IQSEC1: variants seen among roughly 807,000 people sequenced by gnomAD.
IQSEC1 encodes the protein IQ motif and Sec7 domain ArfGEF 1, also known as IQ motif and SEC7 domain-containing protein 1.
A neutral mutation model predicts 91.0 loss-of-function variants in IQSEC1; 31 were observed. The ratio of observed to expected loss-of-function variants is 0.34; its 90% CI spans 0.26 to 0.46. The LOEUF (loss-of-function observed/expected upper bound fraction) is 0.46. IQSEC1 is among the 20% of genes least tolerant of loss of function. The probability of loss-of-function intolerance (pLI) is 1.00; values close to 1 mark genes in which losing one functional copy is unlikely to be tolerated. For synonymous variants in IQSEC1, 699 were observed against 662.6 expected, an observed-to-expected ratio of 1.05 and a Z score of -0.84; for missense variants, 1,388 against 1,575.6, an observed-to-expected ratio of 0.88 and a Z score of 2.02.
At chr3:13,265,125 G>A (rs1256151868) in intron 1 of IQSEC1, among the ~76,000 whole-genome samples, 1 of 152,184 alleles carries the variant, frequency 6.6e-6, no homozygotes, top group Non-Finnish European at 1.5e-5. Flanking sequence ...CCCTCAACCT[G>A]TCCAAGTGAA....
At chr3:13,118,577 G>T (rs1447119380) in intron 2 of IQSEC1, among the ~76,000 whole-genome samples, 1 of 152,200 alleles carries the variant, frequency 6.6e-6, no homozygotes, top group Non-Finnish European at 1.5e-5. Flanking sequence ...AATACTGAAT[G>T]ATTTCATTTA....
intron 1 of IQSEC1, among the ~76,000 whole-genome samples, chr3:13,019,888 G>A (rs923419021): frequency 6.6e-5 from 10 of 152,216 alleles, no homozygotes; most frequent in Non-Finnish European, 8.8e-5. Flanking sequence ...CCACAGCCCC[G>A]TCAGGTGGCC....
At chr3:13,132,159 T>C (rs111646656) in intron 2 of IQSEC1, among the ~76,000 whole-genome samples, 6 of 152,366 alleles carry the variant, frequency 3.9e-5, no homozygotes, top group African/African-American at 7.2e-5. Flanking sequence ...TGCAGTGAAA[T>C]TGCATGGAAA....
intron 1 of IQSEC1, among the ~76,000 whole-genome samples, chr3:12,948,525 G>A (rs540334846): frequency 2.0e-5 from 3 of 152,218 alleles, no homozygotes; most frequent in African/African-American, 4.8e-5. Context: ...TGGATGCCAC[G>A]TCCCGACTCG....
intron 2 of IQSEC1, among the ~76,000 whole-genome samples, chr3:12,937,185 G>A (rs1214192379): frequency 6.6e-6 from 1 of 152,044 alleles, no homozygotes; most frequent in Non-Finnish European, 1.5e-5. Context: ...CACCCGCCTC[G>A]CCCTCCCAAA....
intron 1 of IQSEC1, among the ~76,000 whole-genome samples, chr3:13,253,010 G>A (rs1024031972): frequency 1.3e-5 from 2 of 152,192 alleles, no homozygotes; most frequent in Non-Finnish European, 2.9e-5. Context: ...GGGACTACAG[G>A]CGTAAGCCAC....
At chr3:13,145,343 C>A (rs979428896) in intron 2 of IQSEC1, among the ~76,000 whole-genome samples, 54 of 152,208 alleles carry the variant, frequency 3.5e-4, no homozygotes, top group African/African-American at 1.3e-3. Flanking sequence ...GTCTACTCCA[C>A]CCCTAACAGA....
chr3:13,150,795 G>A (rs373637586), intron 2 of IQSEC1, among the ~76,000 whole-genome samples: 2 of 152,202 alleles, frequency 1.3e-5, no homozygotes, highest in African/African-American at 4.8e-5. Flanking sequence ...GCAAGTACGT[G>A]GGAAAGTGCC....
At chr3:13,175,426 C>G (rs1693707761) in intron 1 of IQSEC1, among the ~76,000 whole-genome samples, 1 of 152,218 alleles carries the variant, frequency 6.6e-6, no homozygotes, top group South Asian at 2.1e-4. Flanking sequence ...TTCACCTCCC[C>G]CTGCTCTGTG....
chr3:13,022,503 C>A, intron 1 of IQSEC1: 14 of 985,654 alleles, frequency 1.4e-5, no homozygotes, highest in Non-Finnish European at 1.7e-5. Flanking sequence ...GGGGCGTCCG[C>A]CGGTGAGGAA....
intron 1 of IQSEC1, among the ~76,000 whole-genome samples, chr3:13,186,679 G>A (rs983436784): frequency 1.3e-4 from 20 of 152,124 alleles, no homozygotes; most frequent in Admixed American, 3.3e-4. Flanking sequence ...TGAGTCCTTG[G>A]GTGGTCCCAA....
intron 1 of IQSEC1, among the ~76,000 whole-genome samples, chr3:13,250,663 C>T (rs1183442236): frequency 2.0e-5 from 3 of 151,648 alleles, no homozygotes; most frequent in Non-Finnish European, 2.9e-5. Context: ...GACACGGTTT[C>T]GCCATGTTGG....
chr3:12,908,952 G>A lies in IQSEC1; in HGVS notation c.2578+321C>T, dbSNP rs867549284. 6.6e-6 allele frequency among the ~76,000 whole-genome samples: 1 copy of A among 152,310 alleles called. No homozygotes were observed. Among genetic ancestry groups the A allele is most frequent in the African/African-American group, 2.4e-5 (1 of 41,544 alleles). Reference sequence around the variant, plus strand: ...TGGCTGTGTGACCCATCAGTCGGTTGAGCCTGATGCAGAAGATGACGAGGT... The same window carrying A: ...TGGCTGTGTGACCCATCAGTCGGTTAAGCCTGATGCAGAAGATGACGAGGT... On this transcript the variant is annotated intron_variant, in intron 11 of 13. Coordinates refer to ENST00000613206, the MANE Select transcript of IQSEC1 (RefSeq NM_001134382.3). This position sits in a 1 kb window ranked among gnomAD's most constrained non-coding sequence, Gnocchi z 4.9.
intron 1 of IQSEC1, among the ~76,000 whole-genome samples, chr3:13,062,993 C>T (rs887242977): frequency 6.6e-6 from 1 of 152,236 alleles, no homozygotes; most frequent in African/African-American, 2.4e-5. Flanking sequence ...CAAGGTCACG[C>T]CATGGGATAT....
At chr3:13,090,828 A>G (rs1705846911) in intron 2 of IQSEC1, among the ~76,000 whole-genome samples, 2 of 152,186 alleles carry the variant, frequency 1.3e-5, no homozygotes, top group South Asian at 4.1e-4. Context: ...TCGATCCTTG[A>G]GCTCAGAAGG....
chr3:13,267,847 G>A (rs929327706), intron 1 of IQSEC1, among the ~76,000 whole-genome samples: 2 of 152,058 alleles, frequency 1.3e-5, no homozygotes, highest in African/African-American at 4.8e-5. Flanking sequence ...TCGATCTCCT[G>A]ACCTCGTGAT....
chr3:13,140,343 C>A (rs1403078448), intron 2 of IQSEC1, among the ~76,000 whole-genome samples: 1 of 152,202 alleles, frequency 6.6e-6, no homozygotes, highest in African/African-American at 2.4e-5. Flanking sequence ...CACATAGTGG[C>A]AATGGAGCAG....
intron 1 of IQSEC1, among the ~76,000 whole-genome samples, chr3:13,066,727 T>A (rs950071837): frequency 2.0e-5 from 3 of 152,180 alleles, no homozygotes; most frequent in African/African-American, 7.2e-5. Context: ...CCCAGCTGTA[T>A]CCAGGAGCCG....
Position 12,900,571 on chromosome 3 carries a change from AG to A in IQSEC1, c.*411del. 5.0e-6 allele frequency: 5 copies of A among 1,002,864 alleles called. No individual in the cohort carries two copies. Among genetic ancestry groups the A allele is most frequent in the Non-Finnish European group, 5.9e-6 (5 of 840,694 alleles). 62.1% of individuals were successfully genotyped at this position (1,002,864 alleles called of 1,614,324 possible). A position where few individuals can be genotyped will look rare whatever the true frequency, so the allele number is the denominator to read the frequency against. On this transcript the variant is annotated 3_prime_UTR_variant, in exon 14 of 14. Coordinates refer to ENST00000613206, the MANE Select transcript of IQSEC1 (RefSeq NM_001134382.3). ...ATTGTCAATAAAAGAGCAATAATGC[AG>A]CAAGTTTTGGGGTTTGTTTTGTCTG...
Sources: allele counts gnomAD v4.1 joint callset (sites outside exome capture counted in the v4.1 genomes callset), GRCh38; gene constraint gnomAD v4.1.1; non-coding constraint Gnocchi (gnomAD v3.1); transcripts MANE v1.5; gene names NCBI Gene and HGNC (gene_info 2026-07-23, HGNC 2026-07-21).